The following HTR1F variants were observed in gnomAD, a reference collection of about 807,000 sequenced individuals.
The protein encoded by HTR1F is 5-hydroxytryptamine (serotonin) receptor 1F, G protein-coupled.
HTR1F carries 17 observed loss-of-function variants against 24.0 expected under a neutral mutation model. The observed-to-expected ratio is 0.71, with a 90% CI of 0.48 to 1.06. The LOEUF is 1.06. Ranked by LOEUF, HTR1F falls within the 50% of genes least tolerant of loss-of-function variation. The pLI is 0.00. For synonymous variants in HTR1F, 186 were observed against 156.8 expected, an observed-to-expected ratio of 1.19 and a Z score of -1.39; for missense variants, 391 against 427.8, an observed-to-expected ratio of 0.91 and a Z score of 0.76.
At chr3:87,892,777 C>G (rs1246399296) in intron 2 of HTR1F, among the ~76,000 whole-genome samples, 1 of 151,686 alleles carries the variant, frequency 6.6e-6, no homozygotes, top group Non-Finnish European at 1.5e-5. Context: ...TTAATCTATA[C>G]TGTAATAAAG....
At chr3:87,914,137 G>T (rs1390638968) in intron 2 of HTR1F, among the ~76,000 whole-genome samples, 1 of 152,132 alleles carries the variant, frequency 6.6e-6, no homozygotes, top group Non-Finnish European at 1.5e-5. Flanking sequence ...ACCTGGAGCT[G>T]AGTCAATTTA....
chr3:87,922,519 G>T (rs1224414250), intron 2 of HTR1F, among the ~76,000 whole-genome samples: 1 of 151,656 alleles, frequency 6.6e-6, no homozygotes, highest in African/African-American at 2.4e-5. Context: ...TTTAGTTTGT[G>T]TAATCCCATT....
At chr3:87,887,370 C>A (rs1489935076) in intron 2 of HTR1F, among the ~76,000 whole-genome samples, 1 of 152,126 alleles carries the variant, frequency 6.6e-6, no homozygotes, top group Non-Finnish European at 1.5e-5. Context: ...ACCATAAAAA[C>A]CCTAGAAGAA....
At chr3:87,980,403 CT>C (rs1705514876) in intron 2 of HTR1F, among the ~76,000 whole-genome samples, 1 of 152,184 alleles carries the variant, frequency 6.6e-6, no homozygotes, top group Non-Finnish European at 1.5e-5. Flanking sequence ...GGCAGGTCAT[CT>C]TGTCATCTTT....
chr3:87,942,607 A>T (rs1478647786), intron 2 of HTR1F, among the ~76,000 whole-genome samples: 1 of 151,990 alleles, frequency 6.6e-6, no homozygotes, highest in African/African-American at 2.4e-5. Context: ...TTCTACTTGG[A>T]TAATCTTTTT....
intron 2 of HTR1F, among the ~76,000 whole-genome samples, chr3:87,990,429 C>A (rs906113210): frequency 2.0e-5 from 3 of 152,134 alleles, no homozygotes; most frequent in African/African-American, 7.2e-5. Flanking sequence ...TCTATAATGG[C>A]AGAGATTTCA....
At chr3:87,920,767 A>G (rs1703996989) in intron 2 of HTR1F, among the ~76,000 whole-genome samples, 1 of 152,034 alleles carries the variant, frequency 6.6e-6, no homozygotes, top group Non-Finnish European at 1.5e-5. Flanking sequence ...AAAAAGAACT[A>G]TTGAGTACTA....
intron 2 of HTR1F, among the ~76,000 whole-genome samples, chr3:87,873,414 G>A (rs948191734): frequency 6.6e-6 from 1 of 152,096 alleles, no homozygotes; most frequent in African/African-American, 2.4e-5. Flanking sequence ...GAGCAGAGAA[G>A]ATGAATGCTC....
intron 2 of HTR1F, among the ~76,000 whole-genome samples, chr3:87,904,921 G>A (rs1355725006): frequency 6.6e-6 from 1 of 152,008 alleles, no homozygotes; most frequent in African/African-American, 2.4e-5. Context: ...TGATCTGAGG[G>A]GTGGTTTATA....
chr3:87,817,196 G>A (rs1704265135), intron 1 of HTR1F, among the ~76,000 whole-genome samples: 1 of 152,106 alleles, frequency 6.6e-6, no homozygotes, highest in Non-Finnish European at 1.5e-5. Flanking sequence ...TATCAACTTT[G>A]CTGATTTGGT....
At chr3:87,937,892 C>T (rs1704464494) in intron 2 of HTR1F, among the ~76,000 whole-genome samples, 1 of 150,236 alleles carries the variant, frequency 6.7e-6, no homozygotes, top group Non-Finnish European at 1.5e-5. Flanking sequence ...CCACTGCACT[C>T]CAGCTTGGGC....
At chr3:87,871,554 T>C (rs1028466987) in intron 2 of HTR1F, among the ~76,000 whole-genome samples, 1 of 152,004 alleles carries the variant, frequency 6.6e-6, no homozygotes, top group African/African-American at 2.4e-5. Context: ...CTAAATTCAG[T>C]AAGCTTAATG....
At chr3:87,959,152 G>A (rs1705007624) in intron 2 of HTR1F, among the ~76,000 whole-genome samples, 2 of 151,658 alleles carry the variant, frequency 1.3e-5, no homozygotes, top group Admixed American at 6.6e-5. Context: ...CCATTCTGAG[G>A]AAGACAATAG....
chr3:87,897,623 C>T (rs1346263137), intron 2 of HTR1F, among the ~76,000 whole-genome samples: 2 of 152,066 alleles, frequency 1.3e-5, no homozygotes, highest in Non-Finnish European at 2.9e-5. Context: ...GCATATAAAA[C>T]CCTTCATGAT....
intron 2 of HTR1F, among the ~76,000 whole-genome samples, chr3:87,977,002 A>T (rs1705409254): frequency 6.6e-6 from 1 of 152,212 alleles, no homozygotes; most frequent in Non-Finnish European, 1.5e-5. Flanking sequence ...TAGCTTGCTA[A>T]CATATTACCT....
chr3:87,991,560 G>T lies in HTR1F; in HGVS notation c.811G>T (p.Glu271Ter). 1 of 1,614,076 alleles carries T rather than the reference G, an allele frequency of 6.2e-7. No individual in the cohort carries two copies. The highest frequency in any genetic ancestry group is 1.1e-5 in the South Asian group (1 of 91,076). The change falls in exon 3 of 3, where the codon GAA becomes TAA. Residue 271 changes from glutamate (E) to a stop codon, truncating the protein, a stop_gained. Coordinates refer to ENST00000319595, the MANE Select transcript of HTR1F (RefSeq NM_001322209.2). LOFTEE classifies it high-confidence loss of function. The stretch of plus-strand genomic sequence containing the variant: ...TAGCACAGTGAGAAGTCTCAGGTCT[G>T]AATTCAAGCATGAGAAATCTTGGAG... ...IHSTVRSLRSEFKHEKSWRRQ... is the reference protein window; with the variant it reads ...IHSTVRSLRS
intron 2 of HTR1F, among the ~76,000 whole-genome samples, chr3:87,837,528 A>T (rs1449360562): frequency 6.6e-6 from 1 of 152,144 alleles, no homozygotes; most frequent in Non-Finnish European, 1.5e-5. Context: ...CAAGGGAAAA[A>T]AATAGAAAGG....
At chr3:87,981,280 C>T (rs1705537452) in intron 2 of HTR1F, among the ~76,000 whole-genome samples, 1 of 152,278 alleles carries the variant, frequency 6.6e-6, no homozygotes, top group African/African-American at 2.4e-5. Flanking sequence ...CTGCAACCTC[C>T]ACCTCCCAGG....
chr3:87,859,305 TA>T (rs1315100106), intron 2 of HTR1F, among the ~76,000 whole-genome samples: 4 of 152,308 alleles, frequency 2.6e-5, no homozygotes, highest in South Asian at 4.1e-4. Context: ...TCACTCAGTC[TA>T]AAAAAATACT....
Sources: gnomAD v4.1 joint callset for allele counts (sites outside exome capture counted in the v4.1 genomes callset) on GRCh38, gnomAD v4.1.1 for gene constraint, MANE v1.5 for transcripts, NCBI Gene and HGNC (gene_info 2026-07-23, HGNC 2026-07-21) for gene names.